Variants in FUT9 observed in about 807,000 individuals in gnomAD.
FUT9 encodes 4-galactosyl-N-acetylglucosaminide 3-alpha-L-fucosyltransferase 9.
FUT9 carries 15 observed loss-of-function variants against 29.7 expected under a neutral mutation model. That is an observed-to-expected ratio of 0.51 (90% CI 0.34 to 0.78). The LOEUF is 0.78. Ranked by LOEUF, FUT9 falls within the 30% of genes least tolerant of loss-of-function variation. The probability of loss-of-function intolerance (pLI) is 0.01; values close to 1 mark genes in which losing one functional copy is unlikely to be tolerated. For missense variants in FUT9, 319 were observed against 425.4 expected, an observed-to-expected ratio of 0.75 and a Z score of 2.20; for synonymous variants, 169 against 153.7, an observed-to-expected ratio of 1.10 and a Z score of -0.74.
At chr6:96,155,287 T>G (rs533708553) in intron 2 of FUT9, among the ~76,000 whole-genome samples, 1 of 152,288 alleles carries the variant, frequency 6.6e-6, no homozygotes. Flanking sequence ...CTTGTCTTTT[T>G]GGGAGGGGAG....
intron 1 of FUT9, among the ~76,000 whole-genome samples, chr6:96,086,731 G>A (rs377522761): frequency 7.2e-5 from 11 of 151,972 alleles, no homozygotes; most frequent in African/African-American, 2.4e-4. Context: ...TCTTGCCTTT[G>A]TGTGTAATCC....
At chr6:96,073,355 A>T (rs181822998) in intron 1 of FUT9, among the ~76,000 whole-genome samples, 1 of 152,010 alleles carries the variant, frequency 6.6e-6, no homozygotes, top group East Asian at 1.9e-4. Flanking sequence ...AGGCTGAGGC[A>T]GAATAGTCGC....
chr6:96,129,777 A>G (rs1027228975), intron 2 of FUT9, among the ~76,000 whole-genome samples: 25 of 152,092 alleles, frequency 1.6e-4, no homozygotes, highest in African/African-American at 5.8e-4. Context: ...TAATAAAAAT[A>G]TATTCTTCTA....
intron 1 of FUT9, among the ~76,000 whole-genome samples, chr6:96,056,683 G>C (rs576422407): frequency 6.6e-5 from 10 of 151,912 alleles, no homozygotes; most frequent in African/African-American, 1.9e-4. Context: ...CCAGGAGTTC[G>C]AGTAGGCAGA....
chr6:96,019,961 T>G (rs1770039932), intron 1 of FUT9, among the ~76,000 whole-genome samples: 1 of 152,092 alleles, frequency 6.6e-6, no homozygotes, highest in African/African-American at 2.4e-5. Flanking sequence ...TTTTAAGATG[T>G]TAATAAAGGA....
chr6:96,182,675 G>A (rs2127986345), intron 2 of FUT9, among the ~76,000 whole-genome samples: 1 of 152,084 alleles, frequency 6.6e-6, no homozygotes, highest in African/African-American at 2.4e-5. Flanking sequence ...AATTATCCCA[G>A]CACCATTTGT....
At chr6:96,064,055 C>T (rs1770921008) in intron 1 of FUT9, among the ~76,000 whole-genome samples, 1 of 152,054 alleles carries the variant, frequency 6.6e-6, no homozygotes, top group Non-Finnish European at 1.5e-5. Context: ...CAATTGCTAC[C>T]AAAGTTCACA....
At chr6:96,053,255 T>A (rs1320880792) in intron 1 of FUT9, among the ~76,000 whole-genome samples, 1 of 152,202 alleles carries the variant, frequency 6.6e-6, no homozygotes, top group Non-Finnish European at 1.5e-5. Context: ...GTTCATTTGG[T>A]CATTTCACTT....
intron 2 of FUT9, among the ~76,000 whole-genome samples, chr6:96,198,936 G>A (rs9377510): frequency 0.91 from 138,892 of 152,178 alleles, 64,736 homozygotes; most frequent in Non-Finnish European, 1. Flanking sequence ...GTGTCTGTTC[G>A]TGTCCAGTAG....
At chr6:96,115,858 G>T (rs973175067) in intron 2 of FUT9, among the ~76,000 whole-genome samples, 2 of 152,092 alleles carry the variant, frequency 1.3e-5, no homozygotes, top group African/African-American at 4.8e-5. Flanking sequence ...CTATATACAT[G>T]TTGGAATTTG....
At chr6:96,198,747 G>T (rs1773675926) in intron 2 of FUT9, among the ~76,000 whole-genome samples, 1 of 152,128 alleles carries the variant, frequency 6.6e-6, no homozygotes, top group Non-Finnish European at 1.5e-5. Flanking sequence ...GTGTAAAAGT[G>T]TTCCTATTTC....
At chr6:96,187,361 G>A (rs1185865754) in intron 2 of FUT9, among the ~76,000 whole-genome samples, 1 of 152,100 alleles carries the variant, frequency 6.6e-6, no homozygotes, top group East Asian at 1.9e-4. Flanking sequence ...CAGAGTTAGA[G>A]GTCAAGGAAC....
chr6:96,155,450 A>G (rs984011203), intron 2 of FUT9, among the ~76,000 whole-genome samples: 10 of 152,024 alleles, frequency 6.6e-5, no homozygotes, highest in African/African-American at 2.4e-4. Context: ...TCCCTATAAG[A>G]AAAGCAAGAG....
intron 1 of FUT9, among the ~76,000 whole-genome samples, chr6:96,073,338 A>T (rs959000903): frequency 2.6e-5 from 4 of 151,790 alleles, no homozygotes; most frequent in African/African-American, 9.7e-5. Context: ...AGTCCCAGCT[A>T]CTCGGGAGGC....
At chr6:96,050,374 T>G (rs550190117) in intron 1 of FUT9, among the ~76,000 whole-genome samples, 145 of 152,324 alleles carry the variant, frequency 9.5e-4, no homozygotes, top group African/African-American at 3.3e-3. Flanking sequence ...TTTACCATCA[T>G]TCCATTTAAT....
intron 1 of FUT9, among the ~76,000 whole-genome samples, chr6:96,067,366 C>G (rs1770980789): frequency 6.6e-6 from 1 of 151,210 alleles, no homozygotes; most frequent in African/African-American, 2.4e-5. Context: ...ACCTTGTGTA[C>G]TTTGTCAAGA....
intron 1 of FUT9, among the ~76,000 whole-genome samples, chr6:96,071,595 A>G (rs992679614): frequency 2.6e-5 from 4 of 152,130 alleles, no homozygotes; most frequent in Non-Finnish European, 4.4e-5. Flanking sequence ...TGAAGAGTAT[A>G]AAGAGCAATG....
At chr6:96,078,451 C>G (rs555505416) in intron 1 of FUT9, among the ~76,000 whole-genome samples, 1 of 95,050 alleles carries the variant, frequency 1.1e-5, no homozygotes, top group Non-Finnish European at 2.0e-5. Context: ...GACGGAGCCT[C>G]GCTCTGTCCC....
At chr6:96,151,157 C>A (rs1197224012) in intron 2 of FUT9, among the ~76,000 whole-genome samples, 1 of 152,088 alleles carries the variant, frequency 6.6e-6, no homozygotes, top group Non-Finnish European at 1.5e-5. Flanking sequence ...CTAAAATACA[C>A]TTTAAATTTA....
Sources: gnomAD v4.1 joint callset for allele counts (sites outside exome capture counted in the v4.1 genomes callset) on GRCh38, gnomAD v4.1.1 for gene constraint, MANE v1.5 for transcripts, NCBI Gene and HGNC (gene_info 2026-07-23, HGNC 2026-07-21) for gene names.